Variants in ARHGEF28 observed in about 807,000 individuals in gnomAD.
ARHGEF28 encodes the protein Rho guanine nucleotide exchange factor 28.
Under a neutral mutation model 206.6 loss-of-function variants are expected in ARHGEF28, and 152 were observed. The observed-to-expected ratio is 0.74, with a 90% CI of 0.64 to 0.84. The LOEUF (loss-of-function observed/expected upper bound fraction) is 0.84, where lower values mean the gene tolerates loss of function less well. ARHGEF28 is among the 40% of genes least tolerant of loss of function. ARHGEF28 has a pLI of 0.00. For missense variants in ARHGEF28, 2,028 were observed against 2,073.2 expected, an observed-to-expected ratio of 0.98 and a Z score of 0.42; for synonymous variants, 763 against 776.4, an observed-to-expected ratio of 0.98 and a Z score of 0.29.
intron 7 of ARHGEF28, among the ~76,000 whole-genome samples, chr5:73,790,174 T>G (rs1191574190): frequency 6.7e-6 from 1 of 149,800 alleles, no homozygotes; most frequent in Admixed American, 6.7e-5. Context: ...CCCTGCAACT[T>G]TTTTTTTTTC....
At chr5:73,681,440 A>C (rs1747092764) in intron 1 of ARHGEF28, among the ~76,000 whole-genome samples, 1 of 152,136 alleles carries the variant, frequency 6.6e-6, no homozygotes. Context: ...TAGGAGTCTC[A>C]GTTCTTTCAT....
chr5:73,933,056 C>T (rs374302930), intron 35 of ARHGEF28, among the ~76,000 whole-genome samples: 39 of 152,014 alleles, frequency 2.6e-4, no homozygotes, highest in South Asian at 1.2e-3. Context: ...GTGATCCGCC[C>T]GTCTCGGCCT....
At chr5:73,824,406 G>A (rs1375738559) in intron 9 of ARHGEF28, among the ~76,000 whole-genome samples, 1 of 151,788 alleles carries the variant, frequency 6.6e-6, no homozygotes, top group Admixed American at 6.6e-5. Context: ...CAGAGAAGAA[G>A]GAAAGCCTCC....
intron 2 of ARHGEF28, among the ~76,000 whole-genome samples, chr5:73,735,577 G>T (rs1443435711): frequency 6.6e-6 from 1 of 152,164 alleles, no homozygotes; most frequent in African/African-American, 2.4e-5. Context: ...CAGAGCAGCA[G>T]GGTACTGAGA....
intron 1 of ARHGEF28, among the ~76,000 whole-genome samples, chr5:73,631,733 T>C (rs1743377012): frequency 6.6e-6 from 1 of 152,212 alleles, no homozygotes; most frequent in Non-Finnish European, 1.5e-5. Flanking sequence ...AACTCTCCAG[T>C]TCTGTTAGCC....
At chr5:73,836,303 CTT>C (rs58880911) in intron 10 of ARHGEF28, among the ~76,000 whole-genome samples, 2,180 of 126,312 alleles carry the variant, frequency 0.017, 19 homozygotes, top group African/African-American at 0.052. Flanking sequence ...TCCTTGTCAG[CTT>C]TTTTTTTTTT....
At chr5:73,689,131 G>A (rs1458105947) in intron 2 of ARHGEF28, among the ~76,000 whole-genome samples, 1 of 152,124 alleles carries the variant, frequency 6.6e-6, no homozygotes, top group East Asian at 1.9e-4. Flanking sequence ...TTTATTATGA[G>A]CACAAAGCAA....
chr5:73,835,481 A>AG (rs1554068753), intron 10 of ARHGEF28, among the ~76,000 whole-genome samples: 1 of 151,726 alleles, frequency 6.6e-6, no homozygotes, highest in Admixed American at 6.6e-5. Context: ...AAAAAAAAAA[A>AG]AAACCCAAAA....
intron 9 of ARHGEF28, among the ~76,000 whole-genome samples, chr5:73,801,653 A>G (rs1362263593): frequency 6.6e-6 from 1 of 152,020 alleles, no homozygotes; most frequent in Non-Finnish European, 1.5e-5. Context: ...ATACGTTTTC[A>G]ATCCTAATTT....
intron 13 of ARHGEF28, among the ~76,000 whole-genome samples, chr5:73,851,824 G>C (rs1481014522): frequency 6.6e-6 from 1 of 152,000 alleles, no homozygotes; most frequent in African/African-American, 2.4e-5. Flanking sequence ...ATAGTATTAG[G>C]TGCAACATTT....
chr5:73,675,680 C>G (rs1273643470), intron 1 of ARHGEF28, among the ~76,000 whole-genome samples: 1 of 143,994 alleles, frequency 6.9e-6, no homozygotes, highest in African/African-American at 2.7e-5. Flanking sequence ...TTGCAGTGAG[C>G]CAAGATCGCA....
Position 73,868,215 on chromosome 5 carries a change from TTCATAATGGAAGG to T in ARHGEF28, c.2415_2425+2del. The T allele has an allele frequency of 6.3e-7, 1 of 1,585,014 alleles. No individual in the cohort carries two copies. Among genetic ancestry groups the T allele is most frequent in the Non-Finnish European group, 8.6e-7 (1 of 1,164,412 alleles). ...GGGCTCTTCTCCCTCTACAGAGTCT[TTCATAATGGAAGG>T]TGAGGAGAAGACACACTTCCATTTA... On this transcript the variant is annotated splice_donor_variant and coding_sequence_variant, in exon 20 of 36. Transcript: ENST00000513042. LOFTEE classifies it high-confidence loss of function.
At chr5:73,695,329 T>G (rs1390753604) in intron 2 of ARHGEF28, among the ~76,000 whole-genome samples, 1 of 152,090 alleles carries the variant, frequency 6.6e-6, no homozygotes, top group Admixed American at 6.5e-5. Flanking sequence ...CTCTGTTGTG[T>G]GGGTGTTCCC....
intron 2 of ARHGEF28, among the ~76,000 whole-genome samples, chr5:73,699,056 C>A (rs796553178): frequency 5.9e-5 from 9 of 152,142 alleles, no homozygotes; most frequent in East Asian, 1.9e-4. Context: ...TTTTGCGAAC[C>A]CTTTTCTTTG....
rs560955537 is a variant in ARHGEF28, at chr5:73,825,895, CAG to C, written c.1025-6442_1025-6441del. ...GAGATATTGAGGGGATAGTGTGACT[CAG>C]GGGAGTGGTCTGGACATCTGGACTG... On this transcript the variant is annotated intron_variant, in intron 9 of 35. Coordinates refer to ENST00000513042, the MANE Select transcript of ARHGEF28 (RefSeq NM_001177693.2). 1.8e-4 allele frequency among the ~76,000 whole-genome samples: 28 copies of C among 152,154 alleles called. No homozygotes were observed. In the South Asian group the frequency reaches 5.8e-3, roughly 32 times the overall value.
At chr5:73,732,830 C>A (rs6881117) in intron 2 of ARHGEF28, among the ~76,000 whole-genome samples, 1 of 151,798 alleles carries the variant, frequency 6.6e-6, no homozygotes, top group Non-Finnish European at 1.5e-5. Flanking sequence ...GAAAGCATAG[C>A]GGAAACACAC....
intron 30 of ARHGEF28, chr5:73,900,127 T>G (rs1416635064): frequency 6.6e-6 from 1 of 152,242 alleles, no homozygotes; most frequent in Admixed American, 6.5e-5. Flanking sequence ...TGAAGCCGTT[T>G]CCGTTTAGAC....
intron 2 of ARHGEF28, among the ~76,000 whole-genome samples, chr5:73,731,879 C>A (rs116105623): frequency 1.3e-5 from 2 of 152,176 alleles, no homozygotes; most frequent in African/African-American, 2.4e-5. Context: ...AATTAAGGGA[C>A]ACTTGTAGAA....
chr5:73,901,283 A>G lies in ARHGEF28; in HGVS notation c.4073A>G (p.Lys1358Arg). 6.2e-7 allele frequency: 1 copy of G among 1,611,970 alleles called. No homozygotes were observed. Among genetic ancestry groups the G allele is most frequent in the Non-Finnish European group, 8.5e-7 (1 of 1,178,946 alleles). The change falls in exon 31 of 36, where the codon AAG becomes AGG. Residue 1358 changes from lysine (K) to arginine (R), a missense_variant and splice_region_variant. Lys to Arg is a conservative substitution (Grantham distance 26). Transcript: ENST00000513042. ...TTGGCCGTCTCTGATGCAGGGGAGAAGGTATTGTGAACTGATTTGTTAGTA... is the reference window on the plus strand; with the variant it reads ...TTGGCCGTCTCTGATGCAGGGGAGAGGGTATTGTGAACTGATTTGTTAGTA... ...TDLAVSDAGE[K>R]VECRNFPGSS...
Sources: gnomAD v4.1 joint callset for allele counts (sites outside exome capture counted in the v4.1 genomes callset) on GRCh38, gnomAD v4.1.1 for gene constraint, MANE v1.5 for transcripts, NCBI Gene and HGNC (gene_info 2026-07-23, HGNC 2026-07-21) for gene names.